The following ARL15 variants were observed in gnomAD, a reference collection of about 807,000 sequenced individuals.
The protein encoded by ARL15 is ARF like GTPase 15.
In ARL15, 19 loss-of-function variants were observed where a neutral mutation model predicts 25.2. That is an observed-to-expected ratio of 0.75 (90% CI 0.53 to 1.10). The LOEUF is 1.10. Among genes scored for constraint, ARL15 ranks in the 50% least tolerant of loss-of-function variants. The pLI is 0.00. For synonymous variants in ARL15, 94 were observed against 86.8 expected, an observed-to-expected ratio of 1.08 and a Z score of -0.46; for missense variants, 220 against 246.0, an observed-to-expected ratio of 0.89 and a Z score of 0.71.
At chr5:53,957,867 G>C (rs1747214385) in intron 4 of ARL15, among the ~76,000 whole-genome samples, 1 of 151,878 alleles carries the variant, frequency 6.6e-6, no homozygotes, top group South Asian at 2.1e-4. Flanking sequence ...ATAAAAGCTA[G>C]TATATATTTT....
At chr5:54,122,330 C>T (rs1272792017) in intron 3 of ARL15, among the ~76,000 whole-genome samples, 6 of 152,216 alleles carry the variant, frequency 3.9e-5, no homozygotes, top group Admixed American at 3.9e-4. Flanking sequence ...GACATGAACA[C>T]AAACAGCATG....
chr5:54,249,877 G>A (rs549631762), intron 1 of ARL15, among the ~76,000 whole-genome samples: 4 of 152,278 alleles, frequency 2.6e-5, no homozygotes, highest in African/African-American at 9.6e-5. Context: ...GAGAAAAACC[G>A]AGTTAGAGTG....
chr5:54,126,165 G>T (rs1753245957), intron 3 of ARL15, among the ~76,000 whole-genome samples: 1 of 152,060 alleles, frequency 6.6e-6, no homozygotes, highest in African/African-American at 2.4e-5. Context: ...TCCTCTTTGG[G>T]AAAGTCTTTA....
intron 1 of ARL15, among the ~76,000 whole-genome samples, chr5:54,211,408 T>C (rs16882451): frequency 0.28 from 43,052 of 151,308 alleles, 6,761 homozygotes; most frequent in African/African-American, 0.39. Flanking sequence ...CCTTGGGCAG[T>C]TAAAAGATTG....
intron 4 of ARL15, among the ~76,000 whole-genome samples, chr5:54,029,360 CACCACCACCACCACCACT>C (rs1216747067): frequency 1.1e-4 from 15 of 138,148 alleles, no homozygotes; most frequent in Admixed American, 3.0e-4. Context: ...CCACCACCAC[CACCACCACCACCACCACT>C]ACACCTAGAG....
chr5:54,024,018 T>C (rs1330065322), intron 4 of ARL15, among the ~76,000 whole-genome samples: 1 of 152,206 alleles, frequency 6.6e-6, no homozygotes, highest in African/African-American at 2.4e-5. Context: ...GAAGGGTATA[T>C]AACCATCAGC....
chr5:53,979,886 G>A (rs903307298), intron 4 of ARL15, among the ~76,000 whole-genome samples: 17 of 144,784 alleles, frequency 1.2e-4, no homozygotes, highest in Admixed American at 9.6e-4. Context: ...TGTATGTTTC[G>A]TAGAGATGGG....
intron 3 of ARL15, among the ~76,000 whole-genome samples, chr5:54,132,850 C>T (rs1379897975): frequency 4.6e-5 from 7 of 152,108 alleles, no homozygotes; most frequent in Non-Finnish European, 8.8e-5. Context: ...GGGTTTTAGC[C>T]GGCTTCTTTA....
At chr5:54,157,359 C>T (rs9292040) in intron 2 of ARL15, among the ~76,000 whole-genome samples, 33,760 of 152,188 alleles carry the variant, frequency 0.22, 4,150 homozygotes, top group African/African-American at 0.32. Flanking sequence ...AAGTTGACTA[C>T]TAAAACGTCT....
At chr5:54,281,583 T>A (rs1293063522) in intron 1 of ARL15, among the ~76,000 whole-genome samples, 1 of 152,196 alleles carries the variant, frequency 6.6e-6, no homozygotes, top group African/African-American at 2.4e-5. Flanking sequence ...CAGTAGCATA[T>A]CACCACCATC....
intron 1 of ARL15, among the ~76,000 whole-genome samples, chr5:54,221,041 TTTCCCCAAATTGC>T (rs1349952560): frequency 6.6e-6 from 1 of 152,184 alleles, no homozygotes; most frequent in East Asian, 1.9e-4. Flanking sequence ...CTAATTTCTC[TTTCCCCAAATTGC>T]TTCACCATAT....
intron 4 of ARL15, among the ~76,000 whole-genome samples, chr5:53,948,265 G>C (rs972660697): frequency 6.6e-6 from 1 of 152,142 alleles, no homozygotes; most frequent in Admixed American, 6.5e-5. Flanking sequence ...TACTGTAGTA[G>C]GTTCCTTAAC....
chr5:53,931,638 A>G (rs143734721), intron 4 of ARL15, among the ~76,000 whole-genome samples: 2 of 152,290 alleles, frequency 1.3e-5, no homozygotes, highest in East Asian at 3.9e-4. Context: ...ACTTTCTTCC[A>G]CTATTTACCA....
chr5:54,161,968 C>G (rs1002916201), intron 2 of ARL15, among the ~76,000 whole-genome samples: 2 of 147,606 alleles, frequency 1.4e-5, no homozygotes, highest in African/African-American at 5.1e-5. Context: ...CCTTCCACCC[C>G]CTTTGTTCTT....
intron 4 of ARL15, among the ~76,000 whole-genome samples, chr5:54,004,182 A>G (rs1748942045): frequency 6.6e-6 from 1 of 152,148 alleles, no homozygotes; most frequent in African/African-American, 2.4e-5. Flanking sequence ...ATTCACACAC[A>G]CACAAACCAG....
intron 4 of ARL15, among the ~76,000 whole-genome samples, chr5:53,975,637 G>A (rs1747898180): frequency 6.6e-6 from 1 of 152,238 alleles, no homozygotes; most frequent in Admixed American, 6.5e-5. Flanking sequence ...GGCCCATGGG[G>A]CGTGGCAATG....
chr5:54,001,183 T>C (rs1748839706), intron 4 of ARL15, among the ~76,000 whole-genome samples: 1 of 152,226 alleles, frequency 6.6e-6, no homozygotes, highest in Admixed American at 6.5e-5. Context: ...AAATGGGTTG[T>C]GTGTGCTTAG....
intron 1 of ARL15, among the ~76,000 whole-genome samples, chr5:54,240,543 G>A (rs1756933384): frequency 6.6e-6 from 1 of 152,066 alleles, no homozygotes; most frequent in African/African-American, 2.4e-5. Flanking sequence ...TATTGCAAGT[G>A]TTCGTTTAGG....
chr5:54,249,299 G>T (rs1329523859), intron 1 of ARL15, among the ~76,000 whole-genome samples: 3 of 152,126 alleles, frequency 2.0e-5, no homozygotes, highest in Admixed American at 2.0e-4. Context: ...AGTGGAGGTA[G>T]AACTTTCTAT....
Sources: allele counts gnomAD v4.1 joint callset (sites outside exome capture counted in the v4.1 genomes callset), GRCh38; gene constraint gnomAD v4.1.1; transcripts MANE v1.5; gene names NCBI Gene and HGNC (gene_info 2026-07-23, HGNC 2026-07-21).